The following KDM3A variants were observed in gnomAD, a reference collection of about 807,000 sequenced individuals.
KDM3A encodes lysine-specific demethylase 3A.
In KDM3A, 60 loss-of-function variants were observed where a neutral mutation model predicts 158.0. The ratio of observed to expected loss-of-function variants is 0.38; its 90% CI spans 0.31 to 0.47. KDM3A has a LOEUF of 0.47. Ranked by LOEUF, KDM3A falls within the 20% of genes least tolerant of loss-of-function variation. KDM3A has a pLI of 0.99. For synonymous variants in KDM3A, 608 were observed against 549.3 expected (o/e 1.11, Z -1.49); for missense variants, 1,319 against 1,574.3 (o/e 0.84, Z 2.74).
intron 11 of KDM3A, among the ~76,000 whole-genome samples, chr2:86,474,097 C>T (rs1673540273): frequency 6.6e-6 from 1 of 152,172 alleles, no homozygotes; most frequent in South Asian, 2.1e-4. Flanking sequence ...TTGTTAACGA[C>T]TTAACTTCTG....
chr2:86,485,722 G>A lies in KDM3A; in HGVS notation c.3183-7G>A, dbSNP rs747460170. ...AACTTTGCAAATTCCTGGTTCTGTT[G>A]TTCTAGGTTTGATGATCTGATGGCC... On this transcript the variant is annotated splice_polypyrimidine_tract_variant and splice_region_variant and intron_variant, in intron 20 of 25. Transcript: ENST00000312912. 6 of 1,613,082 alleles carry A rather than the reference G, an allele frequency of 3.7e-6. No individual in the cohort carries two copies. The highest frequency in any genetic ancestry group is 5.1e-6 in the Non-Finnish European group (6 of 1,179,250).
At position 86,491,332 on chromosome 2, in the gene KDM3A, ATTC is replaced by A. The variant is rs1674446687; in HGVS notation, c.3885+61_3885+63del. On this transcript the variant is annotated intron_variant, in intron 25 of 25. Transcript: ENST00000312912. Reference sequence around the variant, plus strand: ...GGCTATGGCTATGGCTTCATGGCCCATTCTTCACCTTATAAAGAGAGTCAGTGA... The same window carrying A: ...GGCTATGGCTATGGCTTCATGGCCCATTCACCTTATAAAGAGAGTCAGTGA... 3 of 1,536,354 alleles carry A rather than the reference ATTC, an allele frequency of 2.0e-6. No individual in the cohort carries two copies. The Admixed American group carries it at 5.0e-5, about 26-fold the overall frequency.
At chr2:86,451,364 T>C in intron 4 of KDM3A, 151 bp downstream of exon 4, 1 of 510,624 alleles carries the variant, frequency 2.0e-6, no homozygotes, top group Non-Finnish European at 3.4e-6. Flanking sequence ...TTTGATTCCC[T>C]CCAAACTCTA....
chr2:86,442,122 C>G lies in KDM3A; in HGVS notation c.75C>G (p.Gly25=), dbSNP rs754597618. Residue 25 remains glycine, a synonymous_variant, in exon 2 of 26, where the codon GGC becomes GGG. Transcript: ENST00000312912. ...RRFLSLSAAD[G]SDGSHDSWDV... The stretch of plus-strand genomic sequence containing the variant: ...TTCTCAGTCTGTCCGCAGCCGACGG[C>G]AGCGATGGCAGCCACGACAGCTGGG... 1.3e-5 allele frequency: 21 copies of G among 1,613,920 alleles called. No individual in the cohort carries two copies. In the Admixed American group the frequency reaches 3.5e-4, roughly 27 times the overall value.
intron 16 of KDM3A, among the ~76,000 whole-genome samples, chr2:86,481,284 C>G (rs1158909501): frequency 6.6e-6 from 1 of 152,006 alleles, no homozygotes; most frequent in Non-Finnish European, 1.5e-5. Context: ...CTTGCTCTGT[C>G]CAGCCAGGCT....
In KDM3A at chr2:86,480,202, A is replaced by T. The variant is rs1399307037; in HGVS notation, c.2352A>T (p.Ala784=). ...CTGGAGAAAAACCGACTCTTGGTGCAGTGCTCCAGCAGAATCCCTCAGTGT... is the reference window on the plus strand; with the variant it reads ...CTGGAGAAAAACCGACTCTTGGTGCTGTGCTCCAGCAGAATCCCTCAGTGT... ...SLAGEKPTLG[A]VLQQNPSVLE... is the part of the protein sequence containing the mutation. The change falls in exon 16 of 26, where the codon GCA becomes GCT. Residue 784 remains alanine, a synonymous_variant. Transcript: ENST00000312912. 1 of 1,613,236 alleles carries T rather than the reference A, an allele frequency of 6.2e-7. No individual in the cohort carries two copies. Among genetic ancestry groups the T allele is most frequent in the Non-Finnish European group, 8.5e-7 (1 of 1,180,026 alleles).
chr2:86,442,488 C>A, intron 2 of KDM3A: 1 of 405,990 alleles, frequency 2.5e-6, no homozygotes, highest in Non-Finnish European at 4.5e-6. Flanking sequence ...AATGCCGGTG[C>A]TGTGTCCCAC....
At chr2:86,439,883 T>C (rs1469339687), upstream of KDM3A, among the ~76,000 whole-genome samples, 1 of 152,176 alleles carries the variant, frequency 6.6e-6, no homozygotes, top group Non-Finnish European at 1.5e-5. Flanking sequence ...TTTGATTAAA[T>C]ATTTTAGCCC....
intron 2 of KDM3A, among the ~76,000 whole-genome samples, chr2:86,447,288 C>CTT (rs751507169): frequency 0.13 from 18,145 of 135,508 alleles, 1,260 homozygotes; most frequent in Middle Eastern, 0.17. Flanking sequence ...AGGAGGTAAA[C>CTT]TTTTTTTTTT....
intron 1 of KDM3A, 111 bp downstream of exon 1, chr2:86,441,555 C>G (rs371534785): frequency 6.6e-6 from 1 of 151,000 alleles, no homozygotes; most frequent in South Asian, 2.1e-4. Flanking sequence ...GACGGGCGCC[C>G]GGGGTTCGGG....
At chr2:86,456,939 A>C in intron 7 of KDM3A, 44 bp from the exon 8 acceptor site, 1 of 1,571,458 alleles carries the variant, frequency 6.4e-7, no homozygotes, top group Middle Eastern at 1.7e-4. Context: ...TCTCACATTA[A>C]GAGAAACAGG....
Position 86,470,363 on chromosome 2 carries a change from A to G in KDM3A, c.1679A>G (p.Gln560Arg). The change falls in exon 11 of 26, where the codon CAA (glutamine) becomes CGA (arginine). Residue 560 changes from glutamine (Q) to arginine (R), a missense_variant. Transcript: ENST00000312912. ...GACAGTCTCCGCAAGGATAAGGAGC[A>G]ACAGAAGGACTCACCTGTGTTTTGC... ...RLDSLRKDKE[Q>R]QKDSPVFCRF... The G allele has an allele frequency of 1.9e-6, 3 of 1,614,112 alleles. No homozygotes were observed. The highest frequency in any genetic ancestry group is 2.2e-5 in the South Asian group (2 of 91,088).
At position 86,451,091 on chromosome 2, in the gene KDM3A, C is replaced by CT; in HGVS notation, c.343-8dup. ...AGCAGTTATGATGCTAAAGTGTTTT[C>CT]TTTTGTTTTAGACGTACAAACCTCT... On this transcript the variant is annotated splice_polypyrimidine_tract_variant and intron_variant, in intron 3 of 25. Transcript: ENST00000312912. 6.4e-7 allele frequency: 1 copy of CT among 1,571,332 alleles called. No homozygotes were observed. Among genetic ancestry groups the CT allele is most frequent in the African/African-American group, 1.4e-5 (1 of 72,834 alleles).
chr2:86,489,641 A>T lies in KDM3A; in HGVS notation c.3555A>T (p.Ile1185=). Residue 1185 remains isoleucine (I), a synonymous_variant, in exon 23 of 26, where the codon ATA becomes ATT. Transcript: ENST00000312912. ...HIYAAKDTEK[I]REFLKKVSEE... is the part of the protein sequence containing the mutation. ...ATGCTGCAAAGGACACGGAGAAGAT[A>T]AGGGAATTTCTTAAAAAGGTGTGCT... 1 of 1,611,256 alleles carries T rather than the reference A, an allele frequency of 6.2e-7. No individual in the cohort carries two copies. The highest frequency in any genetic ancestry group is 8.5e-7 in the Non-Finnish European group (1 of 1,179,100).
At chr2:86,489,146 T>C in intron 21 of KDM3A, 172 bp from the exon 22 acceptor site, 1 of 691,732 alleles carries the variant, frequency 1.4e-6, no homozygotes. Context: ...ATTCCTTCTT[T>C]TCTTGCTAGC....
chr2:86,451,259 C>A, intron 4 of KDM3A, 46 bp downstream of exon 4: 1 of 1,255,138 alleles, frequency 8.0e-7, no homozygotes. Flanking sequence ...GAAATACGAA[C>A]TCCTTTAACA....
chr2:86,439,204 T>C (rs901901330), upstream of KDM3A, among the ~76,000 whole-genome samples: 1 of 152,084 alleles, frequency 6.6e-6, no homozygotes, highest in African/African-American at 2.4e-5. Context: ...TGTGACTGCA[T>C]GCTCTATTTA....
chr2:86,486,057 C>T (rs1230398245), intron 21 of KDM3A, among the ~76,000 whole-genome samples, 198 bp downstream of exon 21: 1 of 152,148 alleles, frequency 6.6e-6, no homozygotes, highest in African/African-American at 2.4e-5. Flanking sequence ...AGTTGTAGGG[C>T]ATATGCAATT....
chr2:86,456,220 G>C (rs1182208889), intron 5 of KDM3A, among the ~76,000 whole-genome samples: 3 of 151,944 alleles, frequency 2.0e-5, no homozygotes, highest in Admixed American at 6.6e-5. Context: ...GTGAGGTCTT[G>C]ATGAATTGTC....
Sources: allele counts gnomAD v4.1 joint callset (sites outside exome capture counted in the v4.1 genomes callset), GRCh38; gene constraint gnomAD v4.1.1; transcripts MANE v1.5; gene names NCBI Gene and HGNC (gene_info 2026-07-23, HGNC 2026-07-21).